Variants in COL14A1 observed in about 807,000 individuals in gnomAD.
COL14A1 encodes the protein collagen alpha-1(XIV) chain.
A neutral mutation model predicts 230.3 loss-of-function variants in COL14A1; 136 were observed. The ratio of observed to expected loss-of-function variants is 0.59; its 90% CI spans 0.51 to 0.68. The LOEUF is 0.68. Among genes scored for constraint, COL14A1 ranks in the 30% least tolerant of loss-of-function variants. COL14A1 has a pLI of 0.00. For synonymous variants in COL14A1, 792 were observed against 784.1 expected (o/e 1.01, Z -0.17); for missense variants, 1,976 against 2,215.8 (o/e 0.89, Z 2.17).
intron 9 of COL14A1, among the ~76,000 whole-genome samples, chr8:120,205,768 G>A (rs762630720): frequency 2.6e-5 from 4 of 152,154 alleles, no homozygotes; most frequent in Non-Finnish European, 5.9e-5. Context: ...ACATGTGGTT[G>A]ATGATACAGC....
At chr8:120,264,619 A>C (rs1392525808) in intron 24 of COL14A1, among the ~76,000 whole-genome samples, 1 of 152,192 alleles carries the variant, frequency 6.6e-6, no homozygotes, top group Non-Finnish European at 1.5e-5. Context: ...TAAAGGTCAT[A>C]AACTAAAGGC....
chr8:120,294,923 G>A (rs974318475), intron 34 of COL14A1, among the ~76,000 whole-genome samples: 2 of 151,764 alleles, frequency 1.3e-5, no homozygotes, highest in Non-Finnish European at 1.5e-5. Flanking sequence ...AATAAATTGA[G>A]CTCCTAAGAG....
chr8:120,283,566 G>T, intron 31 of COL14A1, 70 bp from the exon 32 acceptor site: 3 of 1,479,918 alleles, frequency 2.0e-6, no homozygotes, highest in Non-Finnish European at 9.1e-7. Context: ...AAATGTATTT[G>T]CTTTATAATC....
At chr8:120,222,611 G>A (rs1023789976) in intron 14 of COL14A1, among the ~76,000 whole-genome samples, 9 of 152,156 alleles carry the variant, frequency 5.9e-5, no homozygotes, top group Non-Finnish European at 1.2e-4. Context: ...CTTTTTTCCA[G>A]GGTTGGCACT....
rs1259649500 is a variant in COL14A1, at chr8:120,311,822, C to T, written c.4455+1760C>T. ...TAACATATTATTAAACTCAGCCAGGCGCGGTGGATCATGCCTGTAATCTCA... is the reference window on the plus strand; with the variant it reads ...TAACATATTATTAAACTCAGCCAGGTGCGGTGGATCATGCCTGTAATCTCA... On this transcript the variant is annotated intron_variant, in intron 37 of 47. Coordinates refer to ENST00000297848, the MANE Select transcript of COL14A1 (RefSeq NM_021110.4). Among the ~76,000 whole-genome samples the T allele has an allele frequency of 3.9e-5, 6 of 152,080 alleles. No individual in the cohort carries two copies. The East Asian group carries it at 5.8e-4, about 15-fold the overall frequency.
At chr8:120,340,094 G>A (rs1822238380) in intron 42 of COL14A1, among the ~76,000 whole-genome samples, 1 of 129,046 alleles carries the variant, frequency 7.7e-6, no homozygotes, top group Non-Finnish European at 1.7e-5. Flanking sequence ...TGTGGTGTAT[G>A]TTTGTGAGTG....
intron 36 of COL14A1, among the ~76,000 whole-genome samples, chr8:120,305,714 T>C (rs1820837822): frequency 6.6e-6 from 1 of 152,162 alleles, no homozygotes; most frequent in Admixed American, 6.5e-5. Context: ...TTGCTTTTTA[T>C]TTGTGTTACA....
At chr8:120,316,882 G>C (rs897175732) in intron 40 of COL14A1, among the ~76,000 whole-genome samples, 1 of 152,182 alleles carries the variant, frequency 6.6e-6, no homozygotes, top group Admixed American at 6.5e-5. Flanking sequence ...GTATGTGTGT[G>C]TTGAATGCAT....
At chr8:120,131,871 G>C (rs1239728210) in intron 1 of COL14A1, among the ~76,000 whole-genome samples, 1 of 105,934 alleles carries the variant, frequency 9.4e-6, no homozygotes, top group Non-Finnish European at 1.7e-5. Flanking sequence ...TTTTGAGACA[G>C]AGTCTTGCTC....
At chr8:120,367,885 A>G (rs891250046) in intron 46 of COL14A1, among the ~76,000 whole-genome samples, 2 of 151,938 alleles carry the variant, frequency 1.3e-5, no homozygotes, top group Non-Finnish European at 2.9e-5. Flanking sequence ...TTGAGGCTAC[A>G]GTGAACCGTG....
chr8:120,365,837 G>T (rs1200567848), intron 45 of COL14A1, among the ~76,000 whole-genome samples: 4 of 152,198 alleles, frequency 2.6e-5, no homozygotes, highest in Non-Finnish European at 4.4e-5. Flanking sequence ...CATGCAATAG[G>T]ATTGGGTGTT....
intron 26 of COL14A1, among the ~76,000 whole-genome samples, chr8:120,275,761 C>A (rs1819819281): frequency 6.6e-6 from 1 of 151,920 alleles, no homozygotes; most frequent in Admixed American, 6.6e-5. Context: ...CATGGAAATG[C>A]AGATTAAAAC....
chr8:120,205,145 A>C (rs1397834767), intron 9 of COL14A1, among the ~76,000 whole-genome samples: 5 of 152,086 alleles, frequency 3.3e-5, no homozygotes, highest in Non-Finnish European at 7.4e-5. Context: ...AATTATTACC[A>C]AAAATGTTTA....
chr8:120,204,334 C>T (rs915637980), intron 9 of COL14A1, among the ~76,000 whole-genome samples: 2 of 152,086 alleles, frequency 1.3e-5, no homozygotes, highest in Non-Finnish European at 2.9e-5. Context: ...CACTTATATC[C>T]CTCACTCTCT....
At chr8:120,317,083 T>A (rs911750203) in intron 40 of COL14A1, among the ~76,000 whole-genome samples, 1 of 152,212 alleles carries the variant, frequency 6.6e-6, no homozygotes, top group Admixed American at 6.5e-5. Context: ...GATTTAGACA[T>A]GTGAGCAGCT....
rs570726711 is a variant in COL14A1, at chr8:120,243,888, C to G, written c.2359C>G (p.Pro787Ala). ...EEEVIGTVMV[P>A]GSQNNLLLKP... ...TTGCTTTTTTGTTCAGGTTATGGTG[C>G]CTGGAAGCCAGAACAACCTCCTTCT... is the stretch of plus-strand genomic sequence containing the variant. Residue 787 changes from proline to alanine, a missense_variant, in exon 20 of 48, where the codon CCT (proline) becomes GCT (alanine). Around this residue, in one of 3 missense-constraint regions of COL14A1, gnomAD observed 1,791 missense variants for 2,019.5 expected, o/e 0.89. Coordinates refer to ENST00000297848, the MANE Select transcript of COL14A1 (RefSeq NM_021110.4). 1.2e-5 allele frequency: 19 copies of G among 1,613,032 alleles called. No individual in the cohort carries two copies. In the South Asian group the frequency reaches 2.1e-4, roughly 18 times the overall value.
chr8:120,139,010 C>T (rs1302272234), intron 1 of COL14A1, among the ~76,000 whole-genome samples: 1 of 152,186 alleles, frequency 6.6e-6, no homozygotes, highest in East Asian at 1.9e-4. Context: ...CCTTTGATAA[C>T]ATCTCTTATG....
intron 19 of COL14A1, among the ~76,000 whole-genome samples, chr8:120,232,429 C>T (rs1250131345): frequency 6.6e-6 from 1 of 152,086 alleles, no homozygotes; most frequent in Admixed American, 6.5e-5. Context: ...GCCCCACAAC[C>T]CCAACAGGAC....
chr8:120,199,888 G>T (rs1817172079), intron 8 of COL14A1, among the ~76,000 whole-genome samples: 1 of 151,860 alleles, frequency 6.6e-6, no homozygotes, highest in Admixed American at 6.6e-5. Context: ...TTCTCTTAAG[G>T]GTCATAGCTA....
Sources: allele counts gnomAD v4.1 joint callset (sites outside exome capture counted in the v4.1 genomes callset), GRCh38; gene constraint gnomAD v4.1.1; regional missense constraint gnomAD v4.1.1; transcripts MANE v1.5; gene names NCBI Gene and HGNC (gene_info 2026-07-23, HGNC 2026-07-21).